METAP2: variants seen among roughly 807,000 people sequenced by gnomAD.
METAP2 encodes the protein methionine aminopeptidase 2.
METAP2 carries 25 observed loss-of-function variants against 59.4 expected under a neutral mutation model. That is an observed-to-expected ratio of 0.42 (90% CI 0.31 to 0.59). METAP2 has a LOEUF of 0.59. METAP2 is among the 20% of genes least tolerant of loss of function. The pLI is 0.16. For missense variants in METAP2, 366 were observed against 581.2 expected, an observed-to-expected ratio of 0.63 and a Z score of 3.81; for synonymous variants, 214 against 194.1, an observed-to-expected ratio of 1.10 and a Z score of -0.85.
At chr12:95,510,832 C>T (rs2076396696) in intron 8 of METAP2, among the ~76,000 whole-genome samples, 1 of 152,146 alleles carries the variant, frequency 6.6e-6, no homozygotes, top group Non-Finnish European at 1.5e-5. Context: ...GTCTTTACTA[C>T]CTAATTATGC....
At chr12:95,478,717 A>G (rs1445787762) in intron 2 of METAP2, among the ~76,000 whole-genome samples, 1 of 152,236 alleles carries the variant, frequency 6.6e-6, no homozygotes, top group Non-Finnish European at 1.5e-5. Context: ...TACCTGTAAT[A>G]AAATTTATTG....
chr12:95,482,186 T>G, intron 2 of METAP2: 1 of 452,730 alleles, frequency 2.2e-6, no homozygotes, highest in Admixed American at 2.4e-5. Flanking sequence ...CTCAGCTCAC[T>G]GCAGCCTTGA....
rs1320726182 is a variant in METAP2, at chr12:95,513,842, G to T, written c.1375G>T (p.Glu459Ter). Reference sequence around the variant, plus strand: ...TAAAGGATCATATACAGCGCAATTTGAACATACCATCCTGTTGCGTCCAAC... The same window carrying T: ...TAAAGGATCATATACAGCGCAATTTTAACATACCATCCTGTTGCGTCCAAC... ...DIKGSYTAQF[E>*]HTILLRPTCK... is the part of the protein sequence containing the mutation. The change falls in exon 11 of 11, where the codon GAA (glutamate) becomes TAA (stop). Residue 459 changes from glutamate to a stop codon, truncating the protein, a stop_gained. Transcript: ENST00000323666. LOFTEE classifies it high-confidence loss of function. The T allele has an allele frequency of 6.2e-7, 1 of 1,614,154 alleles. No homozygotes were observed. Among genetic ancestry groups the T allele is most frequent in the South Asian group, 1.1e-5 (1 of 91,068 alleles).
chr12:95,476,180 TA>T lies in METAP2; in HGVS notation c.259+5del. ...AAGAAAGAGATGAAGATGATGAAGG[TA>T]AATGGTTAATTTGATCTTTGTGGTT... On this transcript the variant is annotated splice_donor_region_variant and intron_variant, in intron 2 of 10. Coordinates refer to ENST00000323666, the MANE Select transcript of METAP2 (RefSeq NM_006838.4). The T allele has an allele frequency of 6.4e-7, 1 of 1,570,790 alleles. No homozygotes were observed. Among genetic ancestry groups the T allele is most frequent in the Non-Finnish European group, 8.7e-7 (1 of 1,145,796 alleles).
intron 3 of METAP2, among the ~76,000 whole-genome samples, chr12:95,485,518 T>C (rs1336650114): frequency 1.3e-5 from 2 of 152,096 alleles, no homozygotes; most frequent in Non-Finnish European, 2.9e-5. Context: ...TATTTTTATT[T>C]TATTGCTATA....
intron 4 of METAP2, among the ~76,000 whole-genome samples, chr12:95,488,511 CAAAAAAAAAAAAAAAAA>C (rs537119415): frequency 3.9e-5 from 3 of 76,578 alleles, no homozygotes; most frequent in Admixed American, 1.2e-4. Flanking sequence ...TTTGTCTCAC[CAAAAAAAAAAAAAAAAA>C]AAAAAAAAAA....
rs2076441063 is a variant in METAP2 at position 95,515,502 on chromosome 12, G to A, written c.*1598G>A. Reference sequence around the variant, plus strand: ...TGTGGAAGTATAAAGCAAGTATCTTGATTTCTAAACCCAGCAATTTTAGAA... The same window carrying A: ...TGTGGAAGTATAAAGCAAGTATCTTAATTTCTAAACCCAGCAATTTTAGAA... On this transcript the variant is annotated 3_prime_UTR_variant, in exon 11 of 11. Transcript: ENST00000323666. 1 of 152,168 alleles carries A rather than the reference G, an allele frequency of 6.6e-6. No individual in the cohort carries two copies. Among genetic ancestry groups the A allele is most frequent in the Admixed American group, 6.6e-5 (1 of 15,264 alleles). 9.4% of individuals were successfully genotyped at this position (152,168 alleles called of 1,614,324 possible).
chr12:95,475,114 T>G (rs184344074), intron 1 of METAP2, among the ~76,000 whole-genome samples: 40 of 152,288 alleles, frequency 2.6e-4, no homozygotes, highest in Non-Finnish European at 4.9e-4. Flanking sequence ...ACTAGGAACT[T>G]ACATATTTTG....
chr12:95,513,542 T>C, intron 10 of METAP2, 110 bp from the exon 11 acceptor site: 1 of 1,251,522 alleles, frequency 8.0e-7, no homozygotes, highest in South Asian at 1.5e-5. Flanking sequence ...ACAATAAAAG[T>C]TTTTGGACTT....
chr12:95,497,201 T>C (rs1236831167), intron 7 of METAP2, among the ~76,000 whole-genome samples: 1 of 152,232 alleles, frequency 6.6e-6, no homozygotes. Flanking sequence ...CTTCTCTGTT[T>C]ACTCTTCATG....
chr12:95,512,745 T>G, intron 9 of METAP2, 56 bp from the exon 10 acceptor site: 1 of 921,348 alleles, frequency 1.1e-6, no homozygotes, highest in African/African-American at 1.7e-5. Flanking sequence ...ATGGTAATTG[T>G]GATTCGTTCT....
At chr12:95,495,943 T>C (rs2076272874) in intron 6 of METAP2, 61 bp from the exon 7 acceptor site, 2 of 1,004,832 alleles carry the variant, frequency 2.0e-6, no homozygotes, top group Non-Finnish European at 3.0e-6. Context: ...GATTAAATGC[T>C]GTAAAGTAGA....
intron 2 of METAP2, among the ~76,000 whole-genome samples, chr12:95,477,836 G>C (rs1463064785): frequency 6.6e-6 from 1 of 152,204 alleles, no homozygotes; most frequent in East Asian, 1.9e-4. Context: ...AAAGTGCCAA[G>C]ATTCAAGGGA....
In METAP2 at chr12:95,474,932, A is replaced by T. The variant is rs1353113667; in HGVS notation, c.151+602A>T. The stretch of plus-strand genomic sequence containing the variant: ...GGTGATAACGAATTTTCACCTGCCT[A>T]ATCCCATAGCATCGCCAAGCTTTAG... On this transcript the variant is annotated intron_variant, in intron 1 of 10. Coordinates refer to ENST00000323666, the MANE Select transcript of METAP2 (RefSeq NM_006838.4). Among the ~76,000 whole-genome samples the T allele has an allele frequency of 4.6e-5, 7 of 152,258 alleles. No individual in the cohort carries two copies. In the South Asian group the frequency reaches 1.5e-3, roughly 32 times the overall value.
chr12:95,485,223 A>G (rs1342240766), intron 3 of METAP2, among the ~76,000 whole-genome samples: 2 of 152,196 alleles, frequency 1.3e-5, no homozygotes, highest in Non-Finnish European at 1.5e-5. Context: ...TGTTCAAGTC[A>G]TAGCTAATAA....
chr12:95,482,288 C>CT (rs1164935143), intron 2 of METAP2: 2 of 365,172 alleles, frequency 5.5e-6, no homozygotes, highest in Non-Finnish European at 1.1e-5. Context: ...ATTTTTTGTA[C>CT]TTTTAGTAGA....
rs1174663950 is a variant in METAP2 at position 95,494,950 on chromosome 12, G to T, written c.591-7G>T. The T allele has an allele frequency of 3.7e-6, 6 of 1,600,454 alleles. No individual in the cohort carries two copies. The highest frequency in any genetic ancestry group is 2.7e-5 in the African/African-American group (2 of 73,952). On this transcript the variant is annotated splice_region_variant and splice_polypyrimidine_tract_variant and intron_variant, in intron 5 of 10. Transcript: ENST00000323666. Reference sequence around the variant, plus strand: ...GTAAACAAGTTCCCTTTGCTTTTTTGTTTTAGTGAAAAGTTGGAAGACTGT... The same window carrying T: ...GTAAACAAGTTCCCTTTGCTTTTTTTTTTTAGTGAAAAGTTGGAAGACTGT...
chr12:95,483,193 T>C (rs368446997), intron 2 of METAP2, 22 bp from the exon 3 acceptor site: 16 of 1,589,962 alleles, frequency 1.0e-5, no homozygotes, highest in Non-Finnish European at 1.3e-5. Flanking sequence ...AATGAACATG[T>C]ACTTGAAATG....
chr12:95,496,645 A>C (rs1395395085), intron 7 of METAP2, among the ~76,000 whole-genome samples: 1 of 152,072 alleles, frequency 6.6e-6, no homozygotes, highest in Admixed American at 6.6e-5. Context: ...ATAGTATCAT[A>C]CAGAGTATTT....
Sources: allele counts gnomAD v4.1 joint callset (sites outside exome capture counted in the v4.1 genomes callset), GRCh38; gene constraint gnomAD v4.1.1; transcripts MANE v1.5; gene names NCBI Gene and HGNC (gene_info 2026-07-23, HGNC 2026-07-21).